Variants in CSNK2A2 observed in about 807,000 individuals in gnomAD.
CSNK2A2 encodes the protein casein kinase II subunit alpha'.
In CSNK2A2, 8 loss-of-function variants were observed where a neutral mutation model predicts 54.0. The observed-to-expected ratio is 0.15, with a 90% CI of 0.09 to 0.27. CSNK2A2 has a LOEUF of 0.27. CSNK2A2 is among the 10% of genes least tolerant of loss of function. The probability of loss-of-function intolerance (pLI) is 1.00; values close to 1 mark genes in which losing one functional copy is unlikely to be tolerated. For missense variants in CSNK2A2, 242 were observed against 439.4 expected (o/e 0.55, Z 4.02); for synonymous variants, 141 against 153.9 (o/e 0.92, Z 0.62).
At chr16:58,164,823 T>C (rs1961517444) in intron 10 of CSNK2A2, among the ~76,000 whole-genome samples, 1 of 152,188 alleles carries the variant, frequency 6.6e-6, no homozygotes, top group Non-Finnish European at 1.5e-5. Context: ...GGCAAGAATT[T>C]AGTTCATCTC....
intron 3 of CSNK2A2, 23 bp from the exon 4 acceptor site, chr16:58,184,333 T>C: frequency 6.5e-7 from 1 of 1,528,942 alleles, no homozygotes; most frequent in African/African-American, 1.4e-5. Flanking sequence ...ATATTAATGC[T>C]TTTTAAGTAC....
Position 58,197,532 on chromosome 16 carries a change from G to T in CSNK2A2, c.104+101C>A. 3.3e-6 allele frequency: 2 copies of T among 601,318 alleles called. No individual in the cohort carries two copies. Among genetic ancestry groups the T allele is most frequent in the Non-Finnish European group, 5.4e-6 (2 of 373,478 alleles). 37.2% of individuals were successfully genotyped at this position (601,318 alleles called of 1,614,324 possible). A position where few individuals can be genotyped will look rare whatever the true frequency, so the allele number is the denominator to read the frequency against. On this transcript the variant is annotated intron_variant, in intron 1 of 11. Transcript: ENST00000262506. The surrounding 1 kb of genome is among the most constrained non-coding windows in gnomAD (Gnocchi z 4.0). ...TCTGCCTCCCTGCGGGCCCGCGGAG[G>T]GGTCGGCGGGAGACACCACCGGGCC...
chr16:58,193,972 GAT>G (rs1185118628), intron 2 of CSNK2A2, among the ~76,000 whole-genome samples: 1 of 152,112 alleles, frequency 6.6e-6, no homozygotes, highest in Non-Finnish European at 1.5e-5. Flanking sequence ...GCTCATTTTT[GAT>G]CAATACCTGG....
At chr16:58,165,147 G>A (rs1207338005) in intron 10 of CSNK2A2, among the ~76,000 whole-genome samples, 1 of 152,072 alleles carries the variant, frequency 6.6e-6, no homozygotes, top group African/African-American at 2.4e-5. Context: ...AATTCCTTTC[G>A]TCCATCCATC....
intron 5 of CSNK2A2, among the ~76,000 whole-genome samples, chr16:58,171,111 T>G (rs2731754): frequency 0.31 from 47,677 of 151,782 alleles, 8,118 homozygotes; most frequent in African/African-American, 0.44. Context: ...TGAGGACACT[T>G]GAATGGACTT....
chr16:58,181,796 C>G (rs1962050030), intron 4 of CSNK2A2, among the ~76,000 whole-genome samples: 1 of 151,914 alleles, frequency 6.6e-6, no homozygotes, highest in Admixed American at 6.6e-5. Flanking sequence ...AAAAGCCCAG[C>G]AAGTATGCAG....
At chr16:58,171,979 ATTTTTTTTTTTT>A (rs746200172) in intron 5 of CSNK2A2, among the ~76,000 whole-genome samples, 1 of 66,216 alleles carries the variant, frequency 1.5e-5, no homozygotes, top group African/African-American at 8.4e-5. Context: ...ATATATATAT[ATTTTTTTTTTTT>A]TTTTTTTTTT....
chr16:58,185,777 A>G (rs1962176795), intron 3 of CSNK2A2, among the ~76,000 whole-genome samples: 1 of 152,196 alleles, frequency 6.6e-6, no homozygotes, highest in Non-Finnish European at 1.5e-5. Flanking sequence ...ATGCTTCAAC[A>G]ATACTGTGTA....
chr16:58,174,421 A>G, intron 5 of CSNK2A2, 30 bp downstream of exon 5: 6 of 1,530,210 alleles, frequency 3.9e-6, no homozygotes, highest in Non-Finnish European at 5.3e-6. Flanking sequence ...CAGGCCTGAA[A>G]AAAATTAATG....
At chr16:58,167,848 G>A in intron 6 of CSNK2A2, 53 bp from the exon 7 acceptor site, 1 of 1,397,244 alleles carries the variant, frequency 7.2e-7, no homozygotes, top group Non-Finnish European at 1.0e-6. Flanking sequence ...AGACGCCTAT[G>A]CCTTAGAACA....
At chr16:58,163,929 T>A in intron 11 of CSNK2A2, 125 bp downstream of exon 11, 1 of 735,164 alleles carries the variant, frequency 1.4e-6, no homozygotes, top group African/African-American at 1.8e-5. Context: ...GACAGACTTT[T>A]AGGTCTTTAC....
At chr16:58,188,991 C>G (rs1042892280) in intron 2 of CSNK2A2, among the ~76,000 whole-genome samples, 3 of 147,040 alleles carry the variant, frequency 2.0e-5, no homozygotes, top group Non-Finnish European at 4.4e-5. Context: ...GAGTCTCACT[C>G]CGTGGCCCAG....
At chr16:58,179,974 G>C (rs1291575285) in intron 4 of CSNK2A2, among the ~76,000 whole-genome samples, 1 of 151,664 alleles carries the variant, frequency 6.6e-6, no homozygotes, top group Non-Finnish European at 1.5e-5. Flanking sequence ...AGCTACTCAG[G>C]AGGCTGAGGC....
chr16:58,197,753 GGGCGGCGCGGGGCGCAGAGGGTGGCGGC>G lies in CSNK2A2; in HGVS notation c.-45_-18del, dbSNP rs970085130. On this transcript the variant is annotated 5_prime_UTR_variant, in exon 1 of 12. Coordinates refer to ENST00000262506, the MANE Select transcript of CSNK2A2 (RefSeq NM_001896.4). The surrounding 1 kb of genome is among the most constrained non-coding windows in gnomAD (Gnocchi z 4.0). ...GCCGGGCATGGCGGGCGGGACCGGG[GGGCGGCGCGGGGCGCAGAGGGTGGCGGC>G]GGCGGCGCGGCGGGGGACGCGGGGC... 6 of 1,075,294 alleles carry G rather than the reference GGGCGGCGCGGGGCGCAGAGGGTGGCGGC, an allele frequency of 5.6e-6. No homozygotes were observed. The African/African-American group carries it at 8.6e-5, about 15-fold the overall frequency. 66.6% of individuals were successfully genotyped at this position (1,075,294 alleles called of 1,614,324 possible).
At chr16:58,166,321 T>C (rs1961562302) in intron 9 of CSNK2A2, among the ~76,000 whole-genome samples, 1 of 152,348 alleles carries the variant, frequency 6.6e-6, no homozygotes, top group East Asian at 1.9e-4. Context: ...AAATAAGCTT[T>C]TGCTGTACCA....
At chr16:58,166,465 A>G in intron 9 of CSNK2A2, 119 bp downstream of exon 9, 1 of 611,196 alleles carries the variant, frequency 1.6e-6, no homozygotes, top group Non-Finnish European at 2.9e-6. Context: ...ATGCATAGGA[A>G]AAAAGAGGGC....
intron 10 of CSNK2A2, 38 bp from the exon 11 acceptor site, chr16:58,164,185 G>A (rs1961492974): frequency 6.3e-7 from 1 of 1,599,200 alleles, no homozygotes; most frequent in Non-Finnish European, 8.6e-7. Flanking sequence ...CAATCAGGGT[G>A]GTGAGTGCTG....
intron 10 of CSNK2A2, among the ~76,000 whole-genome samples, chr16:58,165,029 C>T (rs1338966359): frequency 6.6e-6 from 1 of 152,208 alleles, no homozygotes; most frequent in African/African-American, 2.4e-5. Context: ...GAACCATACA[C>T]ATGCAGAAGA....
intron 4 of CSNK2A2, among the ~76,000 whole-genome samples, chr16:58,175,368 A>G (rs577054463): frequency 6.6e-6 from 1 of 152,324 alleles, no homozygotes; most frequent in Non-Finnish European, 1.5e-5. Flanking sequence ...AATCCAAGCC[A>G]TGCTTTCTAT....
Sources: gnomAD v4.1 joint callset for allele counts (sites outside exome capture counted in the v4.1 genomes callset) on GRCh38, gnomAD v4.1.1 for gene constraint, Gnocchi (gnomAD v3.1) non-coding constraint, MANE v1.5 for transcripts, NCBI Gene and HGNC (gene_info 2026-07-23, HGNC 2026-07-21) for gene names.